EIF3H: variants seen among roughly 807,000 people sequenced by gnomAD.
The protein encoded by EIF3H is eIF-3-gamma.
A neutral mutation model predicts 44.2 loss-of-function variants in EIF3H; 26 were observed. The ratio of observed to expected loss-of-function variants is 0.59; its 90% CI spans 0.43 to 0.82. The LOEUF is 0.82. EIF3H is among the 40% of genes least tolerant of loss of function. The pLI is 0.00. For missense variants in EIF3H, 359 were observed against 432.8 expected, an observed-to-expected ratio of 0.83 and a Z score of 1.51; for synonymous variants, 166 against 151.9, an observed-to-expected ratio of 1.09 and a Z score of -0.68.
At chr8:116,763,932 T>A (rs760052373) in intron 1 of EIF3H, among the ~76,000 whole-genome samples, 7 of 152,308 alleles carry the variant, frequency 4.6e-5, no homozygotes, top group Admixed American at 4.6e-4. Flanking sequence ...AAAGTCCTAT[T>A]TGGGAATTAG....
intron 5 of EIF3H, 87 bp downstream of exon 5, chr8:116,655,769 T>G: frequency 7.2e-7 from 1 of 1,387,070 alleles, no homozygotes; most frequent in Non-Finnish European, 1.0e-6. Flanking sequence ...AGTAACTGTT[T>G]TCTTGTTTCA....
At chr8:116,739,350 C>T (rs1002120377) in intron 1 of EIF3H, among the ~76,000 whole-genome samples, 2 of 152,192 alleles carry the variant, frequency 1.3e-5, no homozygotes, top group Non-Finnish European at 2.9e-5. Flanking sequence ...CACTGGCTTG[C>T]TGTCAATAAA....
intron 1 of EIF3H, among the ~76,000 whole-genome samples, chr8:116,752,751 AAGAG>A (rs1563663113): frequency 2.4e-5 from 2 of 82,066 alleles, no homozygotes; most frequent in Admixed American, 1.3e-4. Context: ...GAAAGAAAGA[AAGAG>A]GGAGGGAGGG....
chr8:116,725,828 TAATGATGTCTATAG>T (rs1814826117), intron 2 of EIF3H, among the ~76,000 whole-genome samples, 174 bp downstream of exon 2: 1 of 152,180 alleles, frequency 6.6e-6, no homozygotes, highest in Non-Finnish European at 1.5e-5. Flanking sequence ...AAGGCCAAAC[TAATGATGTCTATAG>T]TATAAACCCT....
chr8:116,750,470 T>C (rs1386979419), intron 1 of EIF3H, among the ~76,000 whole-genome samples: 1 of 148,468 alleles, frequency 6.7e-6, no homozygotes, highest in African/African-American at 2.5e-5. Context: ...AGTGCAGTGG[T>C]GCAATCTCGG....
chr8:116,651,398 C>T (rs1813391229), intron 5 of EIF3H, among the ~76,000 whole-genome samples: 1 of 152,126 alleles, frequency 6.6e-6, no homozygotes, highest in African/African-American at 2.4e-5. Context: ...GAGAAGGAAA[C>T]AGGTTGGGAA....
Position 116,657,283 on chromosome 8 carries a change from T to C in EIF3H, c.489A>G (p.Ser163=). 6.2e-7 allele frequency: 1 copy of C among 1,613,706 alleles called. No homozygotes were observed. Residue 163 remains serine, a synonymous_variant, in exon 4 of 8, where the codon TCA becomes TCG. Coordinates refer to ENST00000521861, the MANE Select transcript of EIF3H (RefSeq NM_003756.3). ...TAGGAGTCAGTCTGTATGCCTTTAG[T>C]GAGAGAGATCCTTGGGCAGTTTTTA... ...DPIKTAQGSL[S]LKAYRLTPKL...
chr8:116,711,613 T>C (rs1423485919), intron 2 of EIF3H, among the ~76,000 whole-genome samples: 3 of 152,134 alleles, frequency 2.0e-5, no homozygotes, highest in Non-Finnish European at 4.4e-5. Flanking sequence ...GATGGTCAAC[T>C]TACAAATTTT....
At chr8:116,657,449 C>T (rs1430229523) in intron 3 of EIF3H, 135 bp from the exon 4 acceptor site, 4 of 657,224 alleles carry the variant, frequency 6.1e-6, no homozygotes, top group East Asian at 2.7e-5. Context: ...AACCAGAACA[C>T]AACTTGAAGC....
intron 2 of EIF3H, among the ~76,000 whole-genome samples, chr8:116,679,211 GT>G (rs1813918137): frequency 3.0e-5 from 1 of 32,910 alleles, no homozygotes; most frequent in African/African-American, 8.2e-5. Context: ...CGTCCGGGAG[GT>G]GAGGGGCGCC....
chr8:116,754,274 C>T (rs1250225356), intron 1 of EIF3H, among the ~76,000 whole-genome samples: 3 of 152,078 alleles, frequency 2.0e-5, no homozygotes, highest in African/African-American at 7.2e-5. Context: ...CCAACATGCC[C>T]GGCTAATTTT....
chr8:116,704,492 A>G (rs1174743376), intron 2 of EIF3H, among the ~76,000 whole-genome samples: 2 of 152,216 alleles, frequency 1.3e-5, no homozygotes, highest in Admixed American at 1.3e-4. Context: ...TCTAGCTTAA[A>G]AGATAGAGGG....
intron 1 of EIF3H, among the ~76,000 whole-genome samples, chr8:116,733,175 A>T (rs1033722832): frequency 6.6e-6 from 1 of 152,262 alleles, no homozygotes; most frequent in Non-Finnish European, 1.5e-5. Flanking sequence ...GACAAAGGAC[A>T]CAAATGAAAA....
At chr8:116,749,006 G>C (rs1246076609) in intron 1 of EIF3H, among the ~76,000 whole-genome samples, 1 of 152,066 alleles carries the variant, frequency 6.6e-6, no homozygotes, top group Non-Finnish European at 1.5e-5. Context: ...CAAAGATATA[G>C]AGAGCTGACT....
At chr8:116,658,037 GA>G (rs1813521636) in intron 3 of EIF3H, among the ~76,000 whole-genome samples, 1 of 152,172 alleles carries the variant, frequency 6.6e-6, no homozygotes, top group Non-Finnish European at 1.5e-5. Context: ...AAAATAGATT[GA>G]AACAAGTGGA....
intron 2 of EIF3H, among the ~76,000 whole-genome samples, chr8:116,713,355 C>T (rs1352760255): frequency 1.3e-5 from 2 of 152,036 alleles, no homozygotes; most frequent in East Asian, 3.8e-4. Context: ...GCGTAAAGCA[C>T]TTTAATTTCT....
At chr8:116,697,307 A>C (rs1034211685) in intron 2 of EIF3H, 2 of 410,790 alleles carry the variant, frequency 4.9e-6, no homozygotes, top group Non-Finnish European at 9.6e-6. Context: ...AAAAAGAAAA[A>C]AATTGCATGC....
At chr8:116,736,611 G>A (rs181483009) in intron 1 of EIF3H, among the ~76,000 whole-genome samples, 5 of 152,182 alleles carry the variant, frequency 3.3e-5, no homozygotes, top group Non-Finnish European at 4.4e-5. Flanking sequence ...GCAGGGAGCC[G>A]AGATCGCGCC....
At chr8:116,737,232 C>T in intron 1 of EIF3H, 2 of 446,506 alleles carry the variant, frequency 4.5e-6, no homozygotes, top group South Asian at 1.6e-5. Context: ...AAAAGATCTA[C>T]GAACCTCTTA....
Sources: gnomAD v4.1 joint callset for allele counts (sites outside exome capture counted in the v4.1 genomes callset) on GRCh38, gnomAD v4.1.1 for gene constraint, MANE v1.5 for transcripts, NCBI Gene and HGNC (gene_info 2026-07-23, HGNC 2026-07-21) for gene names.